The following SLC29A3 variants were observed in gnomAD, a reference collection of about 807,000 sequenced individuals.
SLC29A3 encodes the protein equilibrative nucleoside transporter 3.
A neutral mutation model predicts 25.4 loss-of-function variants in SLC29A3; 18 were observed. That is an observed-to-expected ratio of 0.71 (90% CI 0.49 to 1.05). The LOEUF is 1.05. Among genes scored for constraint, SLC29A3 ranks in the 50% least tolerant of loss-of-function variants. The probability of loss-of-function intolerance (pLI) is 0.00; values close to 1 mark genes in which losing one functional copy is unlikely to be tolerated. For synonymous variants in SLC29A3, 258 were observed against 267.1 expected, an observed-to-expected ratio of 0.97 and a Z score of 0.33; for missense variants, 586 against 609.0, an observed-to-expected ratio of 0.96 and a Z score of 0.40.
intron 2 of SLC29A3, among the ~76,000 whole-genome samples, chr10:71,343,972 A>G (rs1370230665): frequency 6.6e-6 from 1 of 152,080 alleles, no homozygotes; most frequent in Non-Finnish European, 1.5e-5. Flanking sequence ...TATCCTTCCT[A>G]TGCCTCTAGC....
intron 2 of SLC29A3, among the ~76,000 whole-genome samples, chr10:71,330,640 G>A (rs749414914): frequency 6.6e-6 from 1 of 152,180 alleles, no homozygotes; most frequent in African/African-American, 2.4e-5. Flanking sequence ...TTTACATAAC[G>A]CTGCAGACAC....
chr10:71,326,438 C>A (rs957898970), intron 2 of SLC29A3, among the ~76,000 whole-genome samples: 1 of 152,356 alleles, frequency 6.6e-6, no homozygotes, highest in East Asian at 1.9e-4. Flanking sequence ...TCCACAGGCG[C>A]AGGCTTAGCC....
chr10:71,321,928 C>T (rs1327420422), intron 1 of SLC29A3, among the ~76,000 whole-genome samples: 1 of 152,240 alleles, frequency 6.6e-6, no homozygotes, highest in East Asian at 1.9e-4. Context: ...TCTCTTTCCT[C>T]ACAAATGAAA....
At chr10:71,339,025 T>A (rs544087716) in intron 2 of SLC29A3, among the ~76,000 whole-genome samples, 1 of 152,310 alleles carries the variant, frequency 6.6e-6, no homozygotes, top group East Asian at 1.9e-4. Context: ...AGGGGGATGA[T>A]AAATATGTCT....
intron 1 of SLC29A3, among the ~76,000 whole-genome samples, chr10:71,321,286 T>A (rs1845841018): frequency 6.6e-6 from 1 of 152,174 alleles, no homozygotes; most frequent in South Asian, 2.1e-4. Flanking sequence ...GTGGATAAGG[T>A]TCTGCACCCA....
rs967073261 is a variant in SLC29A3 at position 71,325,010 on chromosome 10, G to A, written c.300+1956G>A. The stretch of plus-strand genomic sequence containing the variant: ...GGTGTCTGATCTCACTTGAGAGCAC[G>A]GGGAGGCAAGGGCTTCTCCGACAAA... On this transcript the variant is annotated intron_variant, in intron 2 of 5. Transcript: ENST00000373189. 1.9e-4 allele frequency among the ~76,000 whole-genome samples: 29 copies of A among 152,290 alleles called. 1 individual carries two copies. Among genetic ancestry groups the A allele is most frequent in the African/African-American group, 6.5e-4 (27 of 41,546 alleles).
At chr10:71,358,367 C>T (rs1336460172) in intron 5 of SLC29A3, among the ~76,000 whole-genome samples, 1 of 152,192 alleles carries the variant, frequency 6.6e-6, no homozygotes, top group African/African-American at 2.4e-5. Context: ...CTTCAGCAGT[C>T]CTCAGGGTTC....
chr10:71,319,507 C>G (rs1472256429), intron 1 of SLC29A3, 197 bp downstream of exon 1: 1 of 423,176 alleles, frequency 2.4e-6, no homozygotes, highest in Non-Finnish European at 4.2e-6. Context: ...TTCTGGGTCT[C>G]TATCTTCTCT....
At chr10:71,320,572 CACAGTGAGCTTCCAG>C (rs1388179351) in intron 1 of SLC29A3, among the ~76,000 whole-genome samples, 60 of 152,156 alleles carry the variant, frequency 3.9e-4, no homozygotes, top group African/African-American at 1.4e-3. Context: ...CGATTTTCCA[CACAGTGAGCTTCCAG>C]ACAGTGAGCT....
intron 2 of SLC29A3, among the ~76,000 whole-genome samples, chr10:71,331,089 A>G (rs1333461046): frequency 1.3e-5 from 2 of 152,094 alleles, no homozygotes; most frequent in Non-Finnish European, 2.9e-5. Context: ...CTGGCAAGAT[A>G]TTTGTGTCTA....
intron 1 of SLC29A3, among the ~76,000 whole-genome samples, chr10:71,321,720 G>T (rs10999770): frequency 0.015 from 2,239 of 152,374 alleles, 76 homozygotes; most frequent in East Asian, 0.13. Flanking sequence ...TTGAGGCACA[G>T]AAATGTGGTA....
chr10:71,361,949 T>A lies in SLC29A3; in HGVS notation c.774-5T>A. On this transcript the variant is annotated splice_polypyrimidine_tract_variant and splice_region_variant and intron_variant, in intron 5 of 5. Transcript: ENST00000373189. Reference sequence around the variant, plus strand: ...CTTGATGGTGGCCCTGTCTCCTCCCTGCAGGTACTACATGAGGCCTGTTCT... The same window carrying A: ...CTTGATGGTGGCCCTGTCTCCTCCCAGCAGGTACTACATGAGGCCTGTTCT... The A allele has an allele frequency of 6.2e-7, 1 of 1,614,022 alleles. No homozygotes were observed. The highest frequency in any genetic ancestry group is 8.5e-7 in the Non-Finnish European group (1 of 1,180,022).
chr10:71,346,876 G>C (rs1158479557), intron 3 of SLC29A3, among the ~76,000 whole-genome samples: 1 of 152,210 alleles, frequency 6.6e-6, no homozygotes, highest in South Asian at 2.1e-4. Flanking sequence ...CGATGGAAGG[G>C]GGTGGTTAAG....
chr10:71,369,989 G>A (rs1454651045), intron 3 of SLC29A3, among the ~76,000 whole-genome samples: 1 of 152,208 alleles, frequency 6.6e-6, no homozygotes, highest in East Asian at 1.9e-4. Flanking sequence ...GTAAGGAGGG[G>A]GAGAAGCAGA....
intron 2 of SLC29A3, 67 bp downstream of exon 2, chr10:71,323,121 G>T (rs1845892522): frequency 3.2e-6 from 5 of 1,584,666 alleles, no homozygotes; most frequent in Non-Finnish European, 4.3e-6. Flanking sequence ...ACATGCAGGG[G>T]AAGATGGAGA....
At chr10:71,368,743 A>G (rs958069486) in intron 3 of SLC29A3, among the ~76,000 whole-genome samples, 3 of 152,160 alleles carry the variant, frequency 2.0e-5, no homozygotes, top group Non-Finnish European at 4.4e-5. Context: ...ACGGGGTTCC[A>G]AGAGCCTGGG....
chr10:71,374,020 A>G (rs1004521885), intron 3 of SLC29A3, among the ~76,000 whole-genome samples: 3 of 152,236 alleles, frequency 2.0e-5, no homozygotes, highest in Non-Finnish European at 2.9e-5. Flanking sequence ...ATAAAGGTAT[A>G]TATGTGTCAA....
At chr10:71,358,124 TCA>T (rs991770167) in intron 5 of SLC29A3, among the ~76,000 whole-genome samples, 28 of 152,312 alleles carry the variant, frequency 1.8e-4, no homozygotes, top group African/African-American at 6.7e-4. Flanking sequence ...CCCAGGTCAC[TCA>T]TCTGGTGAGT....
At chr10:71,348,318 T>C (rs1305838995) in intron 3 of SLC29A3, among the ~76,000 whole-genome samples, 1 of 152,252 alleles carries the variant, frequency 6.6e-6, no homozygotes, top group Middle Eastern at 3.2e-3. Flanking sequence ...GTTCCCAACC[T>C]CTCTCTCCAC....
Sources: gnomAD v4.1 joint callset for allele counts (sites outside exome capture counted in the v4.1 genomes callset) on GRCh38, gnomAD v4.1.1 for gene constraint, MANE v1.5 for transcripts, NCBI Gene and HGNC (gene_info 2026-07-23, HGNC 2026-07-21) for gene names.